Variants in KIF16B observed in about 807,000 individuals in gnomAD.
The protein encoded by KIF16B is kinesin-like protein KIF16B.
In KIF16B, 98 loss-of-function variants were observed where a neutral mutation model predicts 156.3. The observed-to-expected ratio is 0.63, with a 90% CI of 0.53 to 0.74. KIF16B has a LOEUF of 0.74. Ranked by LOEUF, KIF16B falls within the 30% of genes least tolerant of loss-of-function variation. The probability of loss-of-function intolerance (pLI) is 0.00; values close to 1 mark genes in which losing one functional copy is unlikely to be tolerated. For missense variants in KIF16B, 1,421 were observed against 1,606.5 expected, an observed-to-expected ratio of 0.88 and a Z score of 1.97; for synonymous variants, 564 against 583.7, an observed-to-expected ratio of 0.97 and a Z score of 0.49.
intron 12 of KIF16B, among the ~76,000 whole-genome samples, chr20:16,489,227 A>G (rs2068213340): frequency 1.3e-5 from 2 of 152,096 alleles, no homozygotes; most frequent in African/African-American, 4.8e-5. Context: ...CTTGGAGAAG[A>G]GGTACCTGCT....
intron 24 of KIF16B, among the ~76,000 whole-genome samples, chr20:16,332,357 G>GT (rs1040732506): frequency 1.1e-4 from 17 of 152,132 alleles, no homozygotes; most frequent in Non-Finnish European, 2.5e-4. Flanking sequence ...TCAGCACCTT[G>GT]TAAGTGTTGG....
intron 4 of KIF16B, among the ~76,000 whole-genome samples, chr20:16,514,595 A>AAAAAAAAAAAAC (rs2069074661): frequency 6.7e-6 from 1 of 150,168 alleles, no homozygotes; most frequent in African/African-American, 2.4e-5. Context: ...AAAAAAAAAA[A>AAAAAAAAAAAAC]AAAAAAAAAA....
At chr20:16,318,278 G>A (rs184117953) in intron 24 of KIF16B, among the ~76,000 whole-genome samples, 2 of 152,274 alleles carry the variant, frequency 1.3e-5, no homozygotes, top group South Asian at 2.1e-4. Context: ...AGGATACACC[G>A]TAAGTGGGAT....
intron 17 of KIF16B, among the ~76,000 whole-genome samples, chr20:16,384,273 C>T (rs1391734403): frequency 6.6e-6 from 1 of 152,178 alleles, no homozygotes; most frequent in Non-Finnish European, 1.5e-5. Flanking sequence ...GTCCCTGTCC[C>T]CACCAGGCTC....
chr20:16,426,527 T>C (rs1568968359), intron 15 of KIF16B, among the ~76,000 whole-genome samples: 1 of 152,274 alleles, frequency 6.6e-6, no homozygotes, highest in East Asian at 1.9e-4. Context: ...GAGGATCCGA[T>C]GGTAGAAATG....
chr20:16,370,676 C>G (rs768245971), intron 21 of KIF16B, 40 bp from the exon 22 acceptor site: 4 of 1,490,682 alleles, frequency 2.7e-6, no homozygotes, highest in Non-Finnish European at 2.7e-6. Context: ...TAAATTATAG[C>G]AAGTTCACGG....
intron 12 of KIF16B, among the ~76,000 whole-genome samples, chr20:16,486,951 G>T (rs6044015): frequency 0.12 from 18,508 of 152,090 alleles, 1,799 homozygotes; most frequent in African/African-American, 0.28. Flanking sequence ...ACCAAGAAGA[G>T]GTCAAGATTA....
At chr20:16,276,260 G>T (rs1181667257) in intron 25 of KIF16B, among the ~76,000 whole-genome samples, 1 of 152,144 alleles carries the variant, frequency 6.6e-6, no homozygotes, top group Non-Finnish European at 1.5e-5. Flanking sequence ...AGCCTAAAGG[G>T]TATAATAAGA....
intron 11 of KIF16B, 24 bp from the exon 12 acceptor site, chr20:16,494,374 T>A: frequency 6.9e-7 from 1 of 1,453,770 alleles, no homozygotes. Context: ...TATACATACG[T>A]GACTGCTTCA....
chr20:16,494,330 T>C lies in KIF16B; in HGVS notation c.1263A>G (p.Glu421=), dbSNP rs367810841. The stretch of plus-strand genomic sequence containing the variant: ...GGGTTTCATTCCACTTATTTGTCCA[T>C]TCCTTGGTCAATTCTTGAACCTGAA... ...NEARVQELTK[E]WTNKWNETQN... Residue 421 remains glutamate, a synonymous_variant, in exon 12 of 26, where the codon GAA becomes GAG. Transcript: ENST00000354981. The C allele has an allele frequency of 6.9e-6, 11 of 1,600,790 alleles. No homozygotes were observed. The African/African-American group carries it at 9.4e-5, about 14-fold the overall frequency.
intron 1 of KIF16B, among the ~76,000 whole-genome samples, chr20:16,547,182 C>A (rs2070445362): frequency 6.6e-6 from 1 of 152,218 alleles, no homozygotes; most frequent in African/African-American, 2.4e-5. Flanking sequence ...CTGTCCCATG[C>A]TCAGCGTCCG....
chr20:16,309,447 T>A (rs2063587943), intron 25 of KIF16B, among the ~76,000 whole-genome samples: 1 of 152,272 alleles, frequency 6.6e-6, no homozygotes, highest in South Asian at 2.1e-4. Context: ...AAAAAATTAA[T>A]CTCCAAAACA....
At chr20:16,570,718 G>C (rs888849709) in intron 1 of KIF16B, among the ~76,000 whole-genome samples, 15 of 152,128 alleles carry the variant, frequency 9.9e-5, no homozygotes, top group African/African-American at 1.9e-4. Flanking sequence ...CATCATCCTG[G>C]CAATATTTGA....
At chr20:16,386,093 T>A (rs1294154820) in intron 17 of KIF16B, among the ~76,000 whole-genome samples, 1 of 152,130 alleles carries the variant, frequency 6.6e-6, no homozygotes, top group African/African-American at 2.4e-5. Flanking sequence ...GCTGAAGGTA[T>A]GGACTTGGCC....
intron 12 of KIF16B, among the ~76,000 whole-genome samples, chr20:16,435,994 C>G (rs2066631727): frequency 6.6e-6 from 1 of 152,150 alleles, no homozygotes; most frequent in South Asian, 2.1e-4. Flanking sequence ...ATTCCCTTCT[C>G]TCCCATGAAG....
At chr20:16,448,321 T>C (rs2066988870) in intron 12 of KIF16B, among the ~76,000 whole-genome samples, 1 of 152,034 alleles carries the variant, frequency 6.6e-6, no homozygotes, top group Non-Finnish European at 1.5e-5. Context: ...AAAATGCAGA[T>C]GCTTCCACGT....
At chr20:16,424,815 T>A (rs2066312863) in intron 15 of KIF16B, among the ~76,000 whole-genome samples, 1 of 151,974 alleles carries the variant, frequency 6.6e-6, no homozygotes, top group Non-Finnish European at 1.5e-5. Context: ...TAACAGTATA[T>A]GGGTTACATA....
intron 10 of KIF16B, among the ~76,000 whole-genome samples, chr20:16,499,772 A>C (rs779249899): frequency 3.3e-5 from 5 of 152,196 alleles, no homozygotes; most frequent in Admixed American, 6.5e-5. Flanking sequence ...AAGACTCATG[A>C]CCAGCACCCC....
At chr20:16,341,713 A>G (rs34009116) in intron 23 of KIF16B, among the ~76,000 whole-genome samples, 5,177 of 152,346 alleles carry the variant, frequency 0.034, 93 homozygotes, top group African/African-American at 0.039. Flanking sequence ...CCTTCATCAG[A>G]AACTCTGGGC....
Sources: gnomAD v4.1 joint callset for allele counts (sites outside exome capture counted in the v4.1 genomes callset) on GRCh38, gnomAD v4.1.1 for gene constraint, MANE v1.5 for transcripts, NCBI Gene and HGNC (gene_info 2026-07-23, HGNC 2026-07-21) for gene names.